Variants in ROBO2 observed in about 807,000 individuals in gnomAD.
ROBO2 encodes roundabout guidance receptor 2.
ROBO2 carries 53 observed loss-of-function variants against 160.8 expected under a neutral mutation model. The ratio of observed to expected loss-of-function variants is 0.33; its 90% confidence interval spans 0.26 to 0.41. The LOEUF is 0.41. Among genes scored for constraint, ROBO2 ranks in the 10% least tolerant of loss-of-function variants. The pLI is 1.00. For synonymous variants in ROBO2, 664 were observed against 611.7 expected (o/e 1.09, Z -1.26); for missense variants, 1,577 against 1,722.4 (o/e 0.92, Z 1.49).
chr3:76,955,524 T>C (rs1476663636), intron 2 of ROBO2, among the ~76,000 whole-genome samples: 1 of 152,170 alleles, frequency 6.6e-6, no homozygotes. Context: ...TTATTTTCTG[T>C]GTTCTTTATT....
intron 4 of ROBO2, among the ~76,000 whole-genome samples, chr3:77,482,670 A>C (rs1362743383): frequency 6.6e-6 from 1 of 152,156 alleles, no homozygotes; most frequent in Admixed American, 6.6e-5. Context: ...TTGCCCCTAC[A>C]TTTCATGCAG....
chr3:76,137,059 A>G (rs1285341703), intron 2 of ROBO2, among the ~76,000 whole-genome samples: 1 of 151,968 alleles, frequency 6.6e-6, no homozygotes, highest in Admixed American at 6.6e-5. Flanking sequence ...AAAAAATACC[A>G]CAAATTCAGT....
At chr3:77,277,404 G>T (rs940474397) in intron 2 of ROBO2, among the ~76,000 whole-genome samples, 7 of 151,806 alleles carry the variant, frequency 4.6e-5, no homozygotes, top group Non-Finnish European at 1.0e-4. Flanking sequence ...CATCACCTAG[G>T]TATTAAGCCC....
rs1310226413 is a variant in ROBO2, at chr3:76,665,928, A to AATATACATATAATATATTATATATAAT, written c.110-432068_110-432042dup. On this transcript the variant is annotated intron_variant, in intron 2 of 26. Transcript: ENST00000487694. ...TATAATATACACATATTTTATATGT[A>AATATACATATAATATATTATATATAAT]ATATACATATAATATATTATATATA... 5.9e-3 allele frequency among the ~76,000 whole-genome samples: 840 copies of AATATACATATAATATATTATATATAAT among 141,356 alleles called. 7 individuals are homozygous for AATATACATATAATATATTATATATAAT. Among genetic ancestry groups the AATATACATATAATATATTATATATAAT allele is most frequent in the Middle Eastern group, 0.011 (3 of 268 alleles). The allele number at this position is 141,356 out of a possible 152,430, so 92.7% of individuals were successfully genotyped here. A position where few individuals can be genotyped will look rare whatever the true frequency, so the allele number is the denominator to read the frequency against.
intron 2 of ROBO2, among the ~76,000 whole-genome samples, chr3:76,895,159 G>C (rs1234994685): frequency 6.6e-6 from 1 of 151,528 alleles, no homozygotes; most frequent in African/African-American, 2.4e-5. Flanking sequence ...ACATTCTCTT[G>C]TTGAAGTATC....
chr3:75,929,578 C>G (rs1947444691), intron 1 of ROBO2, among the ~76,000 whole-genome samples: 1 of 152,084 alleles, frequency 6.6e-6, no homozygotes, highest in South Asian at 2.1e-4. Flanking sequence ...AACTTCTAGA[C>G]TGTTAATTTC....
chr3:76,845,230 CA>C (rs768623340), intron 2 of ROBO2, among the ~76,000 whole-genome samples: 3 of 151,404 alleles, frequency 2.0e-5, no homozygotes, highest in African/African-American at 4.8e-5. Flanking sequence ...GGTTAAGAAA[CA>C]AAAAAAATTC....
intron 2 of ROBO2, among the ~76,000 whole-genome samples, chr3:76,498,530 A>G (rs1411898511): frequency 2.0e-5 from 3 of 151,790 alleles, no homozygotes; most frequent in Non-Finnish European, 2.9e-5. Flanking sequence ...TATATAATAA[A>G]TATATATTTC....
At chr3:76,754,379 T>C (rs2060847655) in intron 2 of ROBO2, among the ~76,000 whole-genome samples, 1 of 151,924 alleles carries the variant, frequency 6.6e-6, no homozygotes, top group Non-Finnish European at 1.5e-5. Flanking sequence ...CTGCACCGTA[T>C]ACATTACGGC....
chr3:77,456,690 C>A (rs1233961822), intron 2 of ROBO2, among the ~76,000 whole-genome samples: 1 of 152,208 alleles, frequency 6.6e-6, no homozygotes, highest in Non-Finnish European at 1.5e-5. Context: ...TTAAACTTAA[C>A]TGAAATGACT....
chr3:76,030,051 T>C (rs879109162), intron 2 of ROBO2, among the ~76,000 whole-genome samples: 1 of 152,066 alleles, frequency 6.6e-6, no homozygotes, highest in South Asian at 2.1e-4. Flanking sequence ...TTTTAATGAT[T>C]GCCATTCTAA....
At chr3:76,415,848 G>A (rs1220638713) in intron 2 of ROBO2, among the ~76,000 whole-genome samples, 1 of 152,106 alleles carries the variant, frequency 6.6e-6, no homozygotes, top group Non-Finnish European at 1.5e-5. Flanking sequence ...ACAAAACACT[G>A]CCTGAATTTA....
chr3:76,037,881 C>T (rs181974339), intron 2 of ROBO2, among the ~76,000 whole-genome samples: 6 of 152,042 alleles, frequency 3.9e-5, no homozygotes, highest in South Asian at 2.1e-4. Context: ...AAGAAAGATT[C>T]GCTGAATGAC....
At chr3:76,210,789 C>T (rs562470282) in intron 2 of ROBO2, among the ~76,000 whole-genome samples, 102 of 152,198 alleles carry the variant, frequency 6.7e-4, no homozygotes, top group African/African-American at 2.3e-3. Flanking sequence ...TAAACCTGTT[C>T]TTTCCCCTCT....
chr3:76,818,937 T>G (rs945984247), intron 2 of ROBO2, among the ~76,000 whole-genome samples: 5 of 152,046 alleles, frequency 3.3e-5, no homozygotes, highest in African/African-American at 1.2e-4. Context: ...TTTGGCTATG[T>G]GGGCTCTTTT....
rs920792619 is a variant in ROBO2 at position 76,887,906 on chromosome 3, G to A, written c.110-210108G>A. Among the ~76,000 whole-genome samples the A allele has an allele frequency of 4.0e-4, 61 of 152,218 alleles. 1 individual carries two copies. Among genetic ancestry groups the A allele is most frequent in the African/African-American group, 1.4e-3 (59 of 41,526 alleles). On this transcript the variant is annotated intron_variant, in intron 2 of 26. Coordinates refer to the ROBO2 transcript ENST00000487694. ...GGGAATTAAAGTAAACCTTGAGCTT[G>A]GGAGTCCTAACATATAACCATCTCT...
intron 1 of ROBO2, among the ~76,000 whole-genome samples, chr3:77,047,377 T>C (rs775154960): frequency 6.6e-6 from 1 of 152,132 alleles, no homozygotes. Context: ...AGAAATAAAA[T>C]AGTTTTAAAA....
At chr3:76,998,457 T>C (rs2061153165) in intron 2 of ROBO2, among the ~76,000 whole-genome samples, 1 of 152,104 alleles carries the variant, frequency 6.6e-6, no homozygotes, top group South Asian at 2.1e-4. Flanking sequence ...TTAACATACA[T>C]ACTTTATAGA....
chr3:77,206,077 G>C (rs1158275911), intron 2 of ROBO2, among the ~76,000 whole-genome samples: 2 of 151,958 alleles, frequency 1.3e-5, no homozygotes, highest in African/African-American at 4.8e-5. Context: ...GCGTAACTCC[G>C]GTCTCTGCCT....
Sources: gnomAD v4.1 joint callset for allele counts (sites outside exome capture counted in the v4.1 genomes callset) on GRCh38, gnomAD v4.1.1 for gene constraint, MANE v1.5 for transcripts, NCBI Gene and HGNC (gene_info 2026-07-23, HGNC 2026-07-21) for gene names.